WWOX: variants seen among roughly 807,000 people sequenced by gnomAD.
WWOX encodes WW domain containing oxidoreductase, also known as WW domain-containing oxidoreductase.
A neutral mutation model predicts 46.2 loss-of-function variants in WWOX; 69 were observed. That is an observed-to-expected ratio of 1.49 (90% confidence interval 1.23 to 1.82). The LOEUF (loss-of-function observed/expected upper bound fraction) is 1.82. Ranked by LOEUF, WWOX falls within the 40% of genes most tolerant of loss-of-function variation. WWOX has a pLI of 0.00. For missense variants in WWOX, 919 were observed against 542.6 expected (o/e 1.69, Z -6.89); for synonymous variants, 359 against 202.6 (o/e 1.77, Z -6.56).
intron 8 of WWOX, among the ~76,000 whole-genome samples, chr16:78,821,394 C>T (rs1388176855): frequency 6.6e-6 from 1 of 152,144 alleles, no homozygotes; most frequent in African/African-American, 2.4e-5. Flanking sequence ...ATCCTTCTTT[C>T]CCCCTGCTCA....
At position 79,164,647 on chromosome 16, in the gene WWOX, C is replaced by T. The variant is rs567489409; in HGVS notation, c.1057-46961C>T. On this transcript the variant is annotated intron_variant, in intron 8 of 8. Transcript: ENST00000566780. ...CACTCTAACCTTGAAAGGGAAAGTT[C>T]CCACTTTATTAAAATGAATTTCGAA... Among the ~76,000 whole-genome samples, 4 of 152,258 alleles carry T rather than the reference C, an allele frequency of 2.6e-5. No individual in the cohort carries two copies. The South Asian group carries it at 6.2e-4, about 24-fold the overall frequency.
At chr16:78,964,396 G>A (rs1160109442) in intron 8 of WWOX, among the ~76,000 whole-genome samples, 1 of 152,106 alleles carries the variant, frequency 6.6e-6, no homozygotes, top group Non-Finnish European at 1.5e-5. Context: ...CTCTTGTTAT[G>A]TTTTAACAAA....
In WWOX at chr16:78,567,637, T is replaced by C. The variant is rs775053151; in HGVS notation, c.1056+134885T>C. On this transcript the variant is annotated intron_variant, in intron 8 of 8. Transcript: ENST00000566780. ...AAGCTCGCCGCAGCCTGCTATTGTA[T>C]TTAAAGGGTGCCCTTTGCTGCGTAA... is the stretch of plus-strand genomic sequence containing the variant. 5.2e-4 allele frequency among the ~76,000 whole-genome samples: 79 copies of C among 152,006 alleles called. 1 individual carries two copies. Among genetic ancestry groups the C allele is most frequent in the Non-Finnish European group, 9.6e-4 (65 of 67,998 alleles).
chr16:79,182,663 C>T (rs2150789555), intron 8 of WWOX, among the ~76,000 whole-genome samples: 1 of 152,284 alleles, frequency 6.6e-6, no homozygotes, highest in Middle Eastern at 3.4e-3. Flanking sequence ...CTCTTGCAAG[C>T]TTGTGACACC....
intron 8 of WWOX, among the ~76,000 whole-genome samples, chr16:79,052,024 C>CT (rs1306387245): frequency 3.0e-5 from 4 of 133,250 alleles, no homozygotes; most frequent in South Asian, 4.9e-4. Context: ...CCTCTTTTTT[C>CT]TTTTTTTATT....
chr16:79,170,409 T>C (rs534180235), intron 8 of WWOX, among the ~76,000 whole-genome samples: 105 of 152,344 alleles, frequency 6.9e-4, no homozygotes, highest in Non-Finnish European at 1.4e-3. Context: ...TGCCTCCTAA[T>C]ACATTTTCTT....
intron 8 of WWOX, among the ~76,000 whole-genome samples, chr16:79,014,001 G>T (rs374827216): frequency 1.3e-5 from 2 of 152,140 alleles, no homozygotes; most frequent in African/African-American, 4.8e-5. Context: ...CCTTTTGTCA[G>T]TTGGCATGCG....
chr16:78,213,916 TGTC>T (rs1439841830), intron 5 of WWOX, among the ~76,000 whole-genome samples: 19 of 152,156 alleles, frequency 1.2e-4, no homozygotes, highest in Admixed American at 1.2e-3. Context: ...TCTCCAGACC[TGTC>T]CGGGGTGTGA....
At chr16:78,849,982 G>C (rs1362800893) in intron 8 of WWOX, among the ~76,000 whole-genome samples, 2 of 152,110 alleles carry the variant, frequency 1.3e-5, no homozygotes, top group South Asian at 2.1e-4. Flanking sequence ...TGAGGCAGGA[G>C]AATAGCTTGA....
chr16:78,754,777 G>C (rs2049594320), intron 8 of WWOX, among the ~76,000 whole-genome samples: 1 of 152,136 alleles, frequency 6.6e-6, no homozygotes. Context: ...TTGACAGTGT[G>C]AATGAGATGA....
At chr16:79,176,773 C>G (rs896675524) in intron 8 of WWOX, among the ~76,000 whole-genome samples, 6 of 152,096 alleles carry the variant, frequency 3.9e-5, no homozygotes, top group Non-Finnish European at 5.9e-5. Context: ...AATATAGAGT[C>G]ATAGGAAACC....
At chr16:78,653,635 A>T (rs1193222772) in intron 8 of WWOX, among the ~76,000 whole-genome samples, 1 of 152,210 alleles carries the variant, frequency 6.6e-6, no homozygotes, top group Non-Finnish European at 1.5e-5. Flanking sequence ...CTCCGACCTT[A>T]GTTGAAAATG....
At chr16:78,839,816 G>A (rs749293223) in intron 8 of WWOX, among the ~76,000 whole-genome samples, 12 of 152,218 alleles carry the variant, frequency 7.9e-5, no homozygotes, top group East Asian at 1.9e-4. Flanking sequence ...TCCTAAAACC[G>A]TCTCATCATC....
rs573238511 is a variant in WWOX, at chr16:78,960,798, T to G, written c.1057-250810T>G. On this transcript the variant is annotated intron_variant, in intron 8 of 8. Coordinates refer to ENST00000566780, the MANE Select transcript of WWOX (RefSeq NM_016373.4). ...CTATTTAGTCACCTTATTTTTTTTG[T>G]CTTCTTGTTAAACTAGCATCCTGTT... Among the ~76,000 whole-genome samples, 374 of 152,300 alleles carry G rather than the reference T, an allele frequency of 2.5e-3. 2 individuals are homozygous for G. Among genetic ancestry groups the G allele is most frequent in the African/African-American group, 8.0e-3 (332 of 41,560 alleles).
chr16:78,719,300 C>A (rs907432149), intron 8 of WWOX, among the ~76,000 whole-genome samples: 4 of 152,214 alleles, frequency 2.6e-5, no homozygotes, highest in African/African-American at 7.2e-5. Flanking sequence ...GGGGAGCCTT[C>A]CCTGTGGAAG....
intron 5 of WWOX, among the ~76,000 whole-genome samples, chr16:78,329,968 A>G (rs2080717741): frequency 6.6e-6 from 1 of 152,034 alleles, no homozygotes; most frequent in Non-Finnish European, 1.5e-5. Flanking sequence ...GTAACATAGT[A>G]AGTCTCAAAT....
At chr16:78,814,698 C>G (rs1304290001) in intron 8 of WWOX, among the ~76,000 whole-genome samples, 4 of 152,206 alleles carry the variant, frequency 2.6e-5, no homozygotes, top group African/African-American at 4.8e-5. Flanking sequence ...GTTTTCCAAT[C>G]AGGTATTTTG....
intron 8 of WWOX, among the ~76,000 whole-genome samples, chr16:79,166,137 C>CT (rs1322812826): frequency 1.3e-5 from 2 of 152,124 alleles, no homozygotes; most frequent in Non-Finnish European, 2.9e-5. Flanking sequence ...CCATTCTTGA[C>CT]TTTTTTTAAT....
chr16:78,840,689 G>A (rs1026488433), intron 8 of WWOX, among the ~76,000 whole-genome samples: 1 of 151,874 alleles, frequency 6.6e-6, no homozygotes, highest in Non-Finnish European at 1.5e-5. Context: ...GGTGGGGCCC[G>A]AGCTTCTTTG....
Sources: allele counts gnomAD v4.1 joint callset (sites outside exome capture counted in the v4.1 genomes callset), GRCh38; gene constraint gnomAD v4.1.1; transcripts MANE v1.5; gene names NCBI Gene and HGNC (gene_info 2026-07-23, HGNC 2026-07-21).